Variants in TBC1D5 observed in about 807,000 individuals in gnomAD.
TBC1D5 encodes the protein TBC1 domain family, member 5.
TBC1D5 carries 75 observed loss-of-function variants against 100.3 expected under a neutral mutation model. The ratio of observed to expected loss-of-function variants is 0.75; its 90% confidence interval spans 0.62 to 0.91. The LOEUF (loss-of-function observed/expected upper bound fraction) is 0.91, where lower values mean the gene tolerates loss of function less well. Ranked by LOEUF, TBC1D5 falls within the 40% of genes least tolerant of loss-of-function variation. The pLI is 0.00. For missense variants in TBC1D5, 910 were observed against 942.4 expected, an observed-to-expected ratio of 0.97 and a Z score of 0.45; for synonymous variants, 323 against 325.6, an observed-to-expected ratio of 0.99 and a Z score of 0.09.
At chr3:17,588,360 C>A (rs1317017434) in intron 2 of TBC1D5, among the ~76,000 whole-genome samples, 3 of 151,716 alleles carry the variant, frequency 2.0e-5, no homozygotes, top group African/African-American at 7.3e-5. Flanking sequence ...AATCCATATG[C>A]AGAAGGAATG....
chr3:17,300,670 A>C (rs1419212540), intron 14 of TBC1D5, among the ~76,000 whole-genome samples: 1 of 152,244 alleles, frequency 6.6e-6, no homozygotes, highest in African/African-American at 2.4e-5. Context: ...CTGAAAAAAC[A>C]AGGCAGGAAG....
chr3:17,280,004 G>A (rs2080406366), intron 15 of TBC1D5, among the ~76,000 whole-genome samples: 1 of 152,038 alleles, frequency 6.6e-6, no homozygotes, highest in African/African-American at 2.4e-5. Flanking sequence ...GAAATTTGAG[G>A]GCTTAGTTGG....
intron 12 of TBC1D5, 125 bp downstream of exon 12, chr3:17,374,346 A>C (rs776970092): frequency 1.8e-4 from 150 of 815,284 alleles, no homozygotes; most frequent in Non-Finnish European, 2.6e-4. Flanking sequence ...CTTATTCCAT[A>C]GGTAATTTCA....
chr3:17,202,841 T>C (rs1051868126), intron 18 of TBC1D5, among the ~76,000 whole-genome samples: 1 of 152,200 alleles, frequency 6.6e-6, no homozygotes, highest in Non-Finnish European at 1.5e-5. Flanking sequence ...TCAGAGGATG[T>C]ATGGAAACTG....
At chr3:17,725,437 T>C (rs1264786555) in intron 1 of TBC1D5, among the ~76,000 whole-genome samples, 1 of 151,926 alleles carries the variant, frequency 6.6e-6, no homozygotes, top group East Asian at 1.9e-4. Context: ...CAGCCTCCTG[T>C]GGGCAAGAGC....
chr3:17,702,128 C>T (rs2073302953), intron 1 of TBC1D5: 1 of 152,082 alleles, frequency 6.6e-6, no homozygotes, highest in Admixed American at 6.6e-5. Context: ...AAACAGGATT[C>T]CAATTTCCAC....
At chr3:17,626,922 T>C (rs1204960840) in intron 1 of TBC1D5, among the ~76,000 whole-genome samples, 3 of 152,160 alleles carry the variant, frequency 2.0e-5, no homozygotes, top group African/African-American at 7.2e-5. Flanking sequence ...TTTCAATCTC[T>C]AGGCAAAGTG....
intron 2 of TBC1D5, among the ~76,000 whole-genome samples, chr3:17,563,468 T>C (rs188521902): frequency 2.0e-5 from 3 of 152,184 alleles, no homozygotes; most frequent in Non-Finnish European, 4.4e-5. Flanking sequence ...AGGTATAATA[T>C]CATAGAAGCA....
chr3:17,420,803 A>G (rs1575819452), intron 4 of TBC1D5, among the ~76,000 whole-genome samples: 2 of 152,216 alleles, frequency 1.3e-5, no homozygotes, highest in African/African-American at 4.8e-5. Flanking sequence ...AAGGACTCTC[A>G]GTGTTGATTG....
exon 22 of TBC1D5, chr3:17,158,619 A>C (rs1254145952): frequency 2.6e-5 from 4 of 152,276 alleles, no homozygotes; most frequent in African/African-American, 9.6e-5. Context: ...GCTGGGGGCC[A>C]CAGAAGCACA....
At chr3:17,541,769 TAAAGAA>T (rs2096359871) in intron 2 of TBC1D5, among the ~76,000 whole-genome samples, 1 of 152,172 alleles carries the variant, frequency 6.6e-6, no homozygotes, top group Non-Finnish European at 1.5e-5. Flanking sequence ...TTCCTGGTCT[TAAAGAA>T]AAAGTTTTCA....
At chr3:17,172,417 T>C (rs1430182121) in intron 19 of TBC1D5, among the ~76,000 whole-genome samples, 1 of 152,252 alleles carries the variant, frequency 6.6e-6, no homozygotes, top group Admixed American at 6.5e-5. Flanking sequence ...TGTCTTTCCA[T>C]GGCTTAAGAT....
intron 1 of TBC1D5, among the ~76,000 whole-genome samples, chr3:17,690,668 A>T (rs182458351): frequency 9.2e-5 from 14 of 152,292 alleles, no homozygotes; most frequent in Admixed American, 8.5e-4. Context: ...TTAGATTCTC[A>T]TAAGACTGCT....
intron 2 of TBC1D5, among the ~76,000 whole-genome samples, chr3:17,587,619 G>A (rs2153554213): frequency 6.6e-6 from 1 of 152,074 alleles, no homozygotes; most frequent in South Asian, 2.1e-4. Flanking sequence ...TTATTTGTAT[G>A]TCGGTTTGGT....
intron 15 of TBC1D5, among the ~76,000 whole-genome samples, chr3:17,258,944 GAGAGACATAAGGTGTCAAGGTAACTGC>G (rs1356586769): frequency 1.3e-5 from 2 of 152,104 alleles, no homozygotes; most frequent in East Asian, 3.9e-4. Context: ...CCAAGGGATG[GAGAGACATAAGGTGTCAAGGTAACTGC>G]ATTTCGGGGG....
At chr3:17,329,381 C>T (rs920307309) in intron 13 of TBC1D5, among the ~76,000 whole-genome samples, 3 of 152,028 alleles carry the variant, frequency 2.0e-5, no homozygotes, top group African/African-American at 7.2e-5. Context: ...TATGTTTTAC[C>T]TTAAGGTGCC....
intron 2 of TBC1D5, among the ~76,000 whole-genome samples, chr3:17,516,160 T>C (rs879386296): frequency 6.6e-6 from 1 of 152,204 alleles, no homozygotes; most frequent in Non-Finnish European, 1.5e-5. Flanking sequence ...CTGTACATAA[T>C]TCCAACATTC....
intron 1 of TBC1D5, among the ~76,000 whole-genome samples, chr3:17,701,268 G>A (rs1197754600): frequency 1.3e-5 from 2 of 152,024 alleles, no homozygotes. Context: ...TCATAGGTGG[G>A]ACCTGAACGA....
intron 1 of TBC1D5, among the ~76,000 whole-genome samples, chr3:17,721,657 G>A (rs2075716712): frequency 6.6e-6 from 1 of 152,042 alleles, no homozygotes. Context: ...GGGCGACAGA[G>A]TGAGACCCTG....
Sources: gnomAD v4.1 joint callset for allele counts (sites outside exome capture counted in the v4.1 genomes callset) on GRCh38, gnomAD v4.1.1 for gene constraint, MANE v1.5 for transcripts, NCBI Gene and HGNC (gene_info 2026-07-23, HGNC 2026-07-21) for gene names.